The following CSDE1 variants were observed in gnomAD, a reference collection of about 807,000 sequenced individuals.
The protein encoded by CSDE1 is cold shock domain-containing protein E1.
A neutral mutation model predicts 89.3 loss-of-function variants in CSDE1; 17 were observed. That is an observed-to-expected ratio of 0.19 (90% CI 0.13 to 0.29). The LOEUF (loss-of-function observed/expected upper bound fraction) is 0.29. Among genes scored for constraint, CSDE1 ranks in the 10% least tolerant of loss-of-function variants. CSDE1 has a pLI of 1.00. For synonymous variants in CSDE1, 322 were observed against 332.8 expected (o/e 0.97, Z 0.35); for missense variants, 672 against 984.2 (o/e 0.68, Z 4.24).
intron 1 of CSDE1, among the ~76,000 whole-genome samples, chr1:114,752,781 C>A (rs1661376314): frequency 6.6e-6 from 1 of 152,196 alleles, no homozygotes; most frequent in African/African-American, 2.4e-5. Context: ...ACATCCACTG[C>A]CTGCACCAAG....
intron 17 of CSDE1, 97 bp downstream of exon 17, chr1:114,720,442 G>C (rs1570889408): frequency 1.7e-6 from 2 of 1,167,374 alleles, no homozygotes; most frequent in East Asian, 5.1e-5. Context: ...AAAAACGAAT[G>C]AATGTTGATG....
At chr1:114,723,146 C>T (rs894846778) in intron 16 of CSDE1, among the ~76,000 whole-genome samples, 3 of 152,154 alleles carry the variant, frequency 2.0e-5, no homozygotes, top group African/African-American at 7.2e-5. Flanking sequence ...CGTGAACCAC[C>T]ACGCCCGGCC....
chr1:114,730,296 T>TGGAAAA lies in CSDE1; in HGVS notation c.1312_1317dup (p.Phe438_Ser439dup). On this transcript the variant is annotated inframe_insertion, in exon 12 of 20. Transcript: ENST00000358528. ...TTATTTGGGCTAGTGGTTTTAGGAT[T>TGGAAAA]GGAAAAAGTGGCTTCTTTTTCTACC... 1 of 1,614,190 alleles carries TGGAAAA rather than the reference T, an allele frequency of 6.2e-7. No homozygotes were observed. Among genetic ancestry groups the TGGAAAA allele is most frequent in the African/African-American group, 1.3e-5 (1 of 75,060 alleles).
In CSDE1 at chr1:114,716,981, G is replaced by C. The variant is rs1009975671; in HGVS notation, c.*1188C>G. ...CTTTCGCCATTAACAGAAAACTGGA[G>C]AAAGCAAAAATGTTTCGTGTTTACA... On this transcript the variant is annotated 3_prime_UTR_variant, in exon 20 of 20. Transcript: ENST00000358528. 1 of 152,578 alleles carries C rather than the reference G, an allele frequency of 6.6e-6. No individual in the cohort carries two copies. Among genetic ancestry groups the C allele is most frequent in the South Asian group, 2.1e-4 (1 of 4,818 alleles). The allele number at this position is 152,578 out of a possible 1,614,324, so 9.5% of individuals were successfully genotyped here.
At chr1:114,743,046 GT>G (rs1660817595) in intron 2 of CSDE1, among the ~76,000 whole-genome samples, 1 of 152,048 alleles carries the variant, frequency 6.6e-6, no homozygotes, top group African/African-American at 2.4e-5. Context: ...GAAAATACAT[GT>G]TTTTAACTGA....
intron 13 of CSDE1, 80 bp from the exon 14 acceptor site, chr1:114,726,466 TC>T (rs1659805566): frequency 1.8e-6 from 2 of 1,104,250 alleles, no homozygotes; most frequent in African/African-American, 3.2e-5. Flanking sequence ...GACCTATAAC[TC>T]CCCCAGCGCA....
intron 18 of CSDE1, 88 bp from the exon 19 acceptor site, chr1:114,718,833 C>A: frequency 7.0e-7 from 1 of 1,428,182 alleles, no homozygotes; most frequent in Non-Finnish European, 9.6e-7. Flanking sequence ...CACCTAACTG[C>A]CCAAATGACT....
At chr1:114,734,417 CAA>C (rs1329877982) in intron 7 of CSDE1, 23 bp downstream of exon 7, 1 of 1,600,686 alleles carries the variant, frequency 6.2e-7, no homozygotes, top group African/African-American at 1.3e-5. Context: ...AAAGAAAACT[CAA>C]GTTTCTCAAA....
intron 10 of CSDE1, 58 bp from the exon 11 acceptor site, chr1:114,730,706 AC>A (rs1557995718): frequency 1.3e-6 from 2 of 1,589,286 alleles, no homozygotes. Context: ...GCAACATTCA[AC>A]TTTACAACCA....
In CSDE1 at chr1:114,720,580, T is replaced by A. The variant is rs1185669648; in HGVS notation, c.2011A>T (p.Thr671Ser). ...TCCACTGTGGCCCTGCGCAGGGGTGTGATGTTGTAAGCCATAGTTTGTGCA... is the reference window on the plus strand; with the variant it reads ...TCCACTGTGGCCCTGCGCAGGGGTGAGATGTTGTAAGCCATAGTTTGTGCA... Reference protein sequence around the residue: ...QNAQTMAYNITPLRRATVECV... With the variant: ...QNAQTMAYNISPLRRATVECV... Residue 671 changes from threonine to serine, a missense_variant, in exon 17 of 20, where the codon ACA (threonine) becomes TCA (serine). Coordinates refer to ENST00000358528, the MANE Select transcript of CSDE1 (RefSeq NM_001007553.3). The A allele has an allele frequency of 6.2e-7, 1 of 1,614,018 alleles. No individual in the cohort carries two copies. Among genetic ancestry groups the A allele is most frequent in the East Asian group, 2.2e-5 (1 of 44,884 alleles).
Position 114,717,156 on chromosome 1 carries a change from CAAG to C in CSDE1, c.*1010_*1012del, listed in dbSNP as rs1447171875. ...CCAGGGACCCTGTATATGGCCAATT[CAAG>C]AAGAGGGCCAAGAAATCAGACCCAT... On this transcript the variant is annotated 3_prime_UTR_variant, in exon 20 of 20. Coordinates refer to ENST00000358528, the MANE Select transcript of CSDE1 (RefSeq NM_001007553.3). The C allele has an allele frequency of 2.6e-5, 4 of 152,532 alleles. No individual in the cohort carries two copies. Among genetic ancestry groups the C allele is most frequent in the Admixed American group, 2.6e-4 (4 of 15,260 alleles). The allele number at this position is 152,532 out of a possible 1,614,324, so 9.4% of individuals were successfully genotyped here.
At position 114,726,168 on chromosome 1, in the gene CSDE1, G is replaced by A. The variant is rs1659783839; in HGVS notation, c.1640+43C>T. 2.0e-6 allele frequency: 3 copies of A among 1,534,222 alleles called. No homozygotes were observed. In the South Asian group the frequency reaches 3.8e-5, roughly 19 times the overall value. On this transcript the variant is annotated intron_variant, in intron 14 of 19. Coordinates refer to ENST00000358528, the MANE Select transcript of CSDE1 (RefSeq NM_001007553.3). ...GTTTTTTATTCCAACACCAAAGAAT[G>A]GATGGTAAGTTAGCTGTAAAGTTCC...
chr1:114,726,114 TCAA>T lies in CSDE1; in HGVS notation c.1640+94_1640+96del, dbSNP rs2101022890. ...ATTCTACCAATATGAAATCTGAACC[TCAA>T]CAAGTATAATCAATCAATACTAAAT... On this transcript the variant is annotated intron_variant, in intron 14 of 19. Coordinates refer to ENST00000358528, the MANE Select transcript of CSDE1 (RefSeq NM_001007553.3). 3 of 1,228,076 alleles carry T rather than the reference TCAA, an allele frequency of 2.4e-6. No individual in the cohort carries two copies. In the South Asian group the frequency reaches 5.1e-5, roughly 21 times the overall value. 76.1% of individuals were successfully genotyped at this position (1,228,076 alleles called of 1,614,324 possible). A position where few individuals can be genotyped will look rare whatever the true frequency, so the allele number is the denominator to read the frequency against.
At chr1:114,751,538 T>C (rs545513585) in intron 1 of CSDE1, among the ~76,000 whole-genome samples, 1 of 152,296 alleles carries the variant, frequency 6.6e-6, no homozygotes, top group Non-Finnish European at 1.5e-5. Context: ...TAACAGCTGA[T>C]CTGGCCATTT....
chr1:114,750,995 A>C (rs762603594), intron 1 of CSDE1, among the ~76,000 whole-genome samples: 54 of 152,226 alleles, frequency 3.5e-4, no homozygotes, highest in Non-Finnish European at 3.5e-4. Context: ...GCTAGAACAG[A>C]GAGCTGGGCT....
chr1:114,719,925 A>G (rs1245684094), intron 17 of CSDE1, among the ~76,000 whole-genome samples, 183 bp from the exon 18 acceptor site: 1 of 152,236 alleles, frequency 6.6e-6, no homozygotes, highest in African/African-American at 2.4e-5. Flanking sequence ...CATTCACTAT[A>G]TCACAAACTT....
At chr1:114,743,995 T>G (rs1660875515) in intron 2 of CSDE1, among the ~76,000 whole-genome samples, 1 of 152,232 alleles carries the variant, frequency 6.6e-6, no homozygotes, top group African/African-American at 2.4e-5. Context: ...TAAACTATAT[T>G]TTAATGGCAT....
At chr1:114,739,435 G>A (rs1421365893) in intron 3 of CSDE1, among the ~76,000 whole-genome samples, 1 of 152,154 alleles carries the variant, frequency 6.6e-6, no homozygotes, top group Non-Finnish European at 1.5e-5. Flanking sequence ...ATTCGTACTG[G>A]CTTAAAATCT....
chr1:114,734,360 A>G, intron 7 of CSDE1, 82 bp downstream of exon 7: 1 of 1,328,070 alleles, frequency 7.5e-7, no homozygotes, highest in East Asian at 2.3e-5. Flanking sequence ...TAAAAAAGAA[A>G]AAAAAAAACA....
Sources: allele counts gnomAD v4.1 joint callset (sites outside exome capture counted in the v4.1 genomes callset), GRCh38; gene constraint gnomAD v4.1.1; transcripts MANE v1.5; gene names NCBI Gene and HGNC (gene_info 2026-07-23, HGNC 2026-07-21).